The following PDK1 variants were observed in gnomAD, a reference collection of about 807,000 sequenced individuals.
The protein encoded by PDK1 is [Pyruvate dehydrogenase (acetyl-transferring)] kinase isozyme 1, mitochondrial.
Under a neutral mutation model 54.2 loss-of-function variants are expected in PDK1, and 39 were observed. The observed-to-expected ratio is 0.72, with a 90% confidence interval of 0.56 to 0.94. The LOEUF is 0.94. PDK1 is among the 40% of genes least tolerant of loss of function. PDK1 has a pLI of 0.00. For synonymous variants in PDK1, 221 were observed against 207.1 expected, an observed-to-expected ratio of 1.07 and a Z score of -0.58; for missense variants, 552 against 566.0, an observed-to-expected ratio of 0.98 and a Z score of 0.25.
At chr2:172,614,915 TATTA>T in the PDK1 span, among the ~76,000 whole-genome samples, 11 of 152,244 alleles carry the variant, frequency 7.2e-5, no homozygotes, top group African/African-American at 1.7e-4. Flanking sequence ...TTTTAAGTTG[TATTA>T]ATTCTTCATA....
At chr2:172,678,712 C>T in the PDK1 span, among the ~76,000 whole-genome samples, 4 of 152,188 alleles carry the variant, frequency 2.6e-5, no homozygotes, top group Non-Finnish European at 5.9e-5. Flanking sequence ...ACAATAAGTA[C>T]TAGGTCCTCT....
At chr2:172,626,893 A>G in the PDK1 span, among the ~76,000 whole-genome samples, 1 of 152,246 alleles carries the variant, frequency 6.6e-6, no homozygotes, top group Non-Finnish European at 1.5e-5. Context: ...AAGGCACAGT[A>G]AAATACAACA....
chr2:172,621,595 TGATA>T, the PDK1 span, among the ~76,000 whole-genome samples: 2 of 147,640 alleles, frequency 1.4e-5, no homozygotes, highest in African/African-American at 4.9e-5. Flanking sequence ...TGTTTATATA[TGATA>T]TATGTTTATA....
the PDK1 span, among the ~76,000 whole-genome samples, chr2:172,693,967 T>G: frequency 2.2e-4 from 33 of 152,318 alleles, no homozygotes; most frequent in African/African-American, 7.2e-4. Context: ...CAAGCCTCAT[T>G]ATGTAAGAAG....
At chr2:172,680,446 G>T in the PDK1 span, among the ~76,000 whole-genome samples, 1 of 152,028 alleles carries the variant, frequency 6.6e-6, no homozygotes, top group East Asian at 1.9e-4. Context: ...TGAACTCCTG[G>T]GCTCAAGTGA....
chr2:172,717,420 A>T, the PDK1 span, among the ~76,000 whole-genome samples: 1 of 152,244 alleles, frequency 6.6e-6, no homozygotes, highest in Admixed American at 6.5e-5. Context: ...AAACTGCTAA[A>T]TGTTGGGGTA....
the PDK1 span, among the ~76,000 whole-genome samples, chr2:172,668,894 C>CACACATAT: frequency 5.3e-5 from 6 of 113,182 alleles, no homozygotes; most frequent in East Asian, 4.2e-4. Flanking sequence ...CACACACACA[C>CACACATAT]ATATATATAT....
At chr2:172,591,311 C>T (rs77843385) in intron 9 of PDK1, among the ~76,000 whole-genome samples, 7,025 of 152,234 alleles carry the variant, frequency 0.046, 294 homozygotes, top group East Asian at 0.21. Flanking sequence ...TGTCTGATTT[C>T]GGAAGACTTT....
At chr2:172,557,426 A>G (rs1385238083) in intron 1 of PDK1, among the ~76,000 whole-genome samples, 2 of 152,214 alleles carry the variant, frequency 1.3e-5, no homozygotes, top group African/African-American at 4.8e-5. Flanking sequence ...GCTGTTTGCC[A>G]AAGGACATTC....
chr2:172,560,874 G>A (rs1367805259), intron 2 of PDK1, among the ~76,000 whole-genome samples: 1 of 152,192 alleles, frequency 6.6e-6, no homozygotes, highest in Non-Finnish European at 1.5e-5. Context: ...AAACAAATGA[G>A]TTGCCCAGAG....
the PDK1 span, among the ~76,000 whole-genome samples, chr2:172,669,051 ATTTTTTTTTTTTT>A: frequency 1.4e-5 from 1 of 70,550 alleles, no homozygotes; most frequent in African/African-American, 5.8e-5. Context: ...GAATTTCCTG[ATTTTTTTTTTTTT>A]TTTTTTTTTT....
At chr2:172,637,336 A>G in the PDK1 span, among the ~76,000 whole-genome samples, 1 of 152,180 alleles carries the variant, frequency 6.6e-6, no homozygotes, top group Non-Finnish European at 1.5e-5. Context: ...CCCGCTAAAC[A>G]TCCACAGAGG....
intron 10 of PDK1, 110 bp from the exon 11 acceptor site, chr2:172,595,719 T>A: frequency 1.3e-6 from 1 of 783,974 alleles, no homozygotes; most frequent in South Asian, 1.8e-5. Context: ...AATAAGATAC[T>A]AATAGAATAT....
the PDK1 span, among the ~76,000 whole-genome samples, chr2:172,664,311 C>CAAAACAAAAAAAA: frequency 2.3e-5 from 1 of 44,174 alleles, no homozygotes; most frequent in African/African-American, 9.8e-5. Flanking sequence ...AACTCTGCCT[C>CAAAACAAAAAAAA]AAAAAAAAAA....
chr2:172,626,109 G>C, the PDK1 span, among the ~76,000 whole-genome samples: 7 of 152,202 alleles, frequency 4.6e-5, no homozygotes, highest in East Asian at 1.2e-3. Flanking sequence ...ATCTCTGGAA[G>C]ATAAAAATAT....
At chr2:172,621,063 T>G in the PDK1 span, among the ~76,000 whole-genome samples, 5 of 152,202 alleles carry the variant, frequency 3.3e-5, no homozygotes, top group Non-Finnish European at 7.3e-5. Context: ...ACGGATCACT[T>G]GAAGCCAGGG....
chr2:172,688,426 G>C, the PDK1 span, among the ~76,000 whole-genome samples: 1 of 152,186 alleles, frequency 6.6e-6, no homozygotes, highest in South Asian at 2.1e-4. Context: ...TATTGTGCCT[G>C]ATGTTTCCCT....
the PDK1 span, among the ~76,000 whole-genome samples, chr2:172,631,316 G>A: frequency 6.6e-6 from 1 of 152,180 alleles, no homozygotes; most frequent in East Asian, 1.9e-4. Context: ...ACTGATTGTT[G>A]TGTTGTTTAC....
the PDK1 span, among the ~76,000 whole-genome samples, chr2:172,697,625 A>G: frequency 6.6e-6 from 1 of 152,198 alleles, no homozygotes; most frequent in African/African-American, 2.4e-5. Flanking sequence ...ATTAACCCCA[A>G]TAATTACATG....
Sources: gnomAD v4.1 joint callset for allele counts (sites outside exome capture counted in the v4.1 genomes callset) on GRCh38, gnomAD v4.1.1 for gene constraint, MANE v1.5 for transcripts, NCBI Gene and HGNC (gene_info 2026-07-23, HGNC 2026-07-21) for gene names.